Variants in SAR1B observed in about 807,000 individuals in gnomAD.
SAR1B encodes secretion associated Ras related GTPase 1B.
SAR1B carries 23 observed loss-of-function variants against 26.8 expected under a neutral mutation model. The ratio of observed to expected loss-of-function variants is 0.86; its 90% CI spans 0.62 to 1.22. SAR1B has a LOEUF of 1.22. SAR1B is among the 50% of genes most tolerant of loss of function. The pLI, the probability that SAR1B is intolerant of heterozygous loss-of-function variation, is 0.00. For missense variants in SAR1B, 196 were observed against 232.8 expected, an observed-to-expected ratio of 0.84 and a Z score of 1.03; for synonymous variants, 65 against 80.8, an observed-to-expected ratio of 0.80 and a Z score of 1.05.
At position 134,612,678 on chromosome 5, in the gene SAR1B, A is replaced by AAAAAAAAAAAAAAAAAAAAAT; in HGVS notation, c.244+12_244+13insATTTTTTTTTTTTTTTTTTTT. On this transcript the variant is annotated intron_variant, in intron 4 of 6. Transcript: ENST00000402673. ...AAAAAAAAAAAAAAAAAAAAAAAAA[A>AAAAAAAAAAAAAAAAAAAAAT]AAAGAATCTTACCTTGAACATGTCC... is the stretch of plus-strand genomic sequence containing the variant. 1.0e-6 allele frequency: 1 copy of AAAAAAAAAAAAAAAAAAAAAT among 1,000,234 alleles called. No individual in the cohort carries two copies. Among genetic ancestry groups the AAAAAAAAAAAAAAAAAAAAAT allele is most frequent in the Non-Finnish European group, 1.4e-6 (1 of 716,896 alleles). 62.0% of individuals were successfully genotyped at this position (1,000,234 alleles called of 1,614,324 possible). A position where few individuals can be genotyped will look rare whatever the true frequency, so the allele number is the denominator to read the frequency against.
intron 3 of SAR1B, among the ~76,000 whole-genome samples, chr5:134,618,590 G>A (rs545189652): frequency 6.6e-6 from 1 of 152,192 alleles, no homozygotes. Flanking sequence ...ACCTGTAAAA[G>A]TAAGGTCACA....
chr5:134,620,262 T>A (rs1765383887), intron 3 of SAR1B, among the ~76,000 whole-genome samples: 1 of 150,818 alleles, frequency 6.6e-6, no homozygotes, highest in African/African-American at 2.4e-5. Flanking sequence ...GCGGAGGTCG[T>A]GCCACTGCAC....
At position 134,605,395 on chromosome 5, in the gene SAR1B, T is replaced by A. The variant is rs560318946; in HGVS notation, c.*1555A>T. On this transcript the variant is annotated 3_prime_UTR_variant, in exon 7 of 7. Coordinates refer to ENST00000402673, the MANE Select transcript of SAR1B (RefSeq NM_016103.4). ...ACTAATGATGGGAATCTCAAACATA[T>A]AAAAAAAGAATTCAGTTTCTTAGGA... 1 of 151,854 alleles carries A rather than the reference T, an allele frequency of 6.6e-6. No individual in the cohort carries two copies. Among genetic ancestry groups the A allele is most frequent in the Non-Finnish European group, 1.5e-5 (1 of 67,958 alleles). The allele number at this position is 151,854 out of a possible 1,614,324, so 9.4% of individuals were successfully genotyped here.
In SAR1B at chr5:134,612,680, A is replaced by AAAAAAAAAAATAAATTT; in HGVS notation, c.244+10_244+11insAAATTTATTTTTTTTTT. The AAAAAAAAAAATAAATTT allele has an allele frequency of 9.6e-7, 1 of 1,043,434 alleles. No homozygotes were observed. 64.6% of individuals were successfully genotyped at this position (1,043,434 alleles called of 1,614,324 possible). A position where few individuals can be genotyped will look rare whatever the true frequency, so the allele number is the denominator to read the frequency against. On this transcript the variant is annotated intron_variant, in intron 4 of 6. Transcript: ENST00000402673. ...AAAAAAAAAAAAAAAAAAAAAAAAA[A>AAAAAAAAAAATAAATTT]AGAATCTTACCTTGAACATGTCCAC... is the stretch of plus-strand genomic sequence containing the variant.
intron 3 of SAR1B, chr5:134,614,532 G>A (rs1765276008): frequency 6.6e-6 from 1 of 152,194 alleles, no homozygotes; most frequent in Non-Finnish European, 1.5e-5. Context: ...GGCCCCATGA[G>A]AGCTCTAGTA....
At chr5:134,629,890 A>G (rs1373159143) in intron 1 of SAR1B, among the ~76,000 whole-genome samples, 1 of 151,390 alleles carries the variant, frequency 6.6e-6, no homozygotes, top group Non-Finnish European at 1.5e-5. Flanking sequence ...TGTCTCAAAA[A>G]AAAAAAAAAG....
At chr5:134,626,831 C>G (rs1463150032) in intron 1 of SAR1B, among the ~76,000 whole-genome samples, 3 of 152,042 alleles carry the variant, frequency 2.0e-5, no homozygotes, top group Non-Finnish European at 4.4e-5. Flanking sequence ...TACTGGGTTT[C>G]TTCTTGGGAT....
Position 134,609,560 on chromosome 5 carries a change from A to C in SAR1B, c.348+11T>G, listed in dbSNP as rs1472486021. On this transcript the variant is annotated intron_variant, in intron 5 of 6. Coordinates refer to ENST00000402673, the MANE Select transcript of SAR1B (RefSeq NM_016103.4). ...GATTTGACTATATTTAGTTTCAGTT[A>C]TTTAACTTACATCAAGTTCTTCTTT... 6.2e-7 allele frequency: 1 copy of C among 1,604,592 alleles called. No homozygotes were observed. The highest frequency in any genetic ancestry group is 8.5e-7 in the Non-Finnish European group (1 of 1,171,478).
Position 134,606,761 on chromosome 5 carries a change from T to C in SAR1B, c.*189A>G. The C allele has an allele frequency of 3.4e-6, 2 of 586,480 alleles. No homozygotes were observed. Among genetic ancestry groups the C allele is most frequent in the South Asian group, 1.8e-5 (1 of 54,722 alleles). The allele number at this position is 586,480 out of a possible 1,614,324, so 36.3% of individuals were successfully genotyped here. A position where few individuals can be genotyped will look rare whatever the true frequency, so the allele number is the denominator to read the frequency against. On this transcript the variant is annotated 3_prime_UTR_variant, in exon 7 of 7. Coordinates refer to ENST00000402673, the MANE Select transcript of SAR1B (RefSeq NM_016103.4). ...CTTTTATGGAATTAGAAAGCTAACA[T>C]TGTGATACTCAAACTTACTTGAATC... is the stretch of plus-strand genomic sequence containing the variant.
chr5:134,610,426 T>C (rs1344803561), intron 4 of SAR1B, among the ~76,000 whole-genome samples: 2 of 152,106 alleles, frequency 1.3e-5, no homozygotes, highest in African/African-American at 2.4e-5. Context: ...CTGGCCAACA[T>C]AGTGAAACCC....
Position 134,607,031 on chromosome 5 carries a change from G to C in SAR1B, c.516C>G (p.Pro172=). The change falls in exon 7 of 7, where the codon CCC becomes CCG. Residue 172 remains proline, a synonymous_variant. Coordinates refer to ENST00000402673, the MANE Select transcript of SAR1B (RefSeq NM_016103.4). Reference sequence around the variant, plus strand: ...GCACACTACACATGAAAACTTCTAAGGGTCGGGCATTCAGTTCTTTCAGAG... The same window carrying C: ...GCACACTACACATGAAAACTTCTAACGGTCGGGCATTCAGTTCTTTCAGAG... The part of the protein sequence containing the change: ...SISLKELNAR[P]LEVFMCSVLK... 1 of 1,613,998 alleles carries C rather than the reference G, an allele frequency of 6.2e-7. No homozygotes were observed. The highest frequency in any genetic ancestry group is 8.5e-7 in the Non-Finnish European group (1 of 1,179,904).
Position 134,612,650 on chromosome 5 carries a change from A to T in SAR1B, c.244+41T>A, listed in dbSNP as rs1311447982. 79 of 338,156 alleles carry T rather than the reference A, an allele frequency of 2.3e-4. 3 individuals carry two copies. The East Asian group carries it at 5.1e-3, about 22-fold the overall frequency. 20.9% of individuals were successfully genotyped at this position (338,156 alleles called of 1,614,324 possible). A position where few individuals can be genotyped will look rare whatever the true frequency, so the allele number is the denominator to read the frequency against. ...ACAGAGTGAGCCTGTCTAAAAAAAA[A>T]AAAAAAAAAAAAAAAAAAAAAAAAA... On this transcript the variant is annotated intron_variant, in intron 4 of 6. Coordinates refer to ENST00000402673, the MANE Select transcript of SAR1B (RefSeq NM_016103.4).
chr5:134,626,760 G>C (rs1473072624), intron 1 of SAR1B, among the ~76,000 whole-genome samples: 1 of 152,158 alleles, frequency 6.6e-6, no homozygotes, highest in East Asian at 1.9e-4. Flanking sequence ...AATCCATAGA[G>C]TAAGTATATT....
At chr5:134,621,569 A>G (rs896559904) in intron 2 of SAR1B, among the ~76,000 whole-genome samples, 2 of 152,328 alleles carry the variant, frequency 1.3e-5, no homozygotes, top group East Asian at 3.9e-4. Flanking sequence ...CAACCCAGTC[A>G]ATAGAATATG....
chr5:134,607,843 T>C (rs983225429), intron 6 of SAR1B, among the ~76,000 whole-genome samples: 1 of 151,906 alleles, frequency 6.6e-6, no homozygotes. Context: ...ATATGTAAAC[T>C]AAAAAAATTT....
chr5:134,605,290 C>T lies in SAR1B; in HGVS notation c.*1660G>A, dbSNP rs1192867998. 2.0e-5 allele frequency: 3 copies of T among 152,082 alleles called. No individual in the cohort carries two copies. Among genetic ancestry groups the T allele is most frequent in the African/African-American group, 2.4e-5 (1 of 41,392 alleles). 9.4% of individuals were successfully genotyped at this position (152,082 alleles called of 1,614,324 possible). On this transcript the variant is annotated 3_prime_UTR_variant, in exon 7 of 7. Transcript: ENST00000402673. ...GGAATTGGTTAAATATACTATAAAA[C>T]TTGGCTTATAATCAGGATAAATCTT...
rs1371160012 is a variant in SAR1B at position 134,624,005 on chromosome 5, A to C, written c.15T>G (p.Phe5Leu). MSFIFDWIYSGFSSV... is the reference protein window; with the variant it reads MSFILDWIYSGFSSV... ...TGCTGAAACCACTGTAAATCCAATC[A>C]AATATGAAGGACATATCCAAATCTG... Residue 5 changes from phenylalanine to leucine, a missense_variant, in exon 2 of 7, where the codon TTT becomes TTG. By Grantham distance (22) the Phe-to-Leu change is conservative (BLOSUM62 0). Transcript: ENST00000402673. 1 of 1,611,588 alleles carries C rather than the reference A, an allele frequency of 6.2e-7. No individual in the cohort carries two copies. The highest frequency in any genetic ancestry group is 2.2e-5 in the East Asian group (1 of 44,820).
At chr5:134,608,298 G>T in intron 6 of SAR1B, 74 bp downstream of exon 6, 18 of 1,427,232 alleles carry the variant, frequency 1.3e-5, no homozygotes, top group South Asian at 2.5e-5. Flanking sequence ...TGTATAGTTG[G>T]ACAATAGTAA....
chr5:134,610,833 A>AT (rs1251822504), intron 4 of SAR1B, among the ~76,000 whole-genome samples: 2 of 151,898 alleles, frequency 1.3e-5, no homozygotes, highest in Non-Finnish European at 2.9e-5. Flanking sequence ...CATAAGAGTA[A>AT]TTTTTTCCAT....
Sources: allele counts gnomAD v4.1 joint callset (sites outside exome capture counted in the v4.1 genomes callset), GRCh38; gene constraint gnomAD v4.1.1; transcripts MANE v1.5; gene names NCBI Gene and HGNC (gene_info 2026-07-23, HGNC 2026-07-21).